Variants in CD74 observed in about 807,000 individuals in gnomAD.
The protein encoded by CD74 is CD74 molecule, also known as HLA class II histocompatibility antigen gamma chain.
In CD74, 20 loss-of-function variants were observed where a neutral mutation model predicts 37.1. That is an observed-to-expected ratio of 0.54 (90% confidence interval 0.38 to 0.78). The LOEUF (loss-of-function observed/expected upper bound fraction) is 0.78. Ranked by LOEUF, CD74 falls within the 30% of genes least tolerant of loss-of-function variation. CD74 has a pLI of 0.00. For missense variants in CD74, 338 were observed against 389.5 expected (o/e 0.87, Z 1.11); for synonymous variants, 150 against 152.0 (o/e 0.99, Z 0.10).
chr5:150,403,384 ACC>A lies in CD74; in HGVS notation c.626-74_626-73del. On this transcript the variant is annotated intron_variant, in intron 6 of 8. Coordinates refer to ENST00000009530, the MANE Select transcript of CD74 (RefSeq NM_001025159.3). This position sits in a 1 kb window ranked among gnomAD's most constrained non-coding sequence, Gnocchi z 4.5. ...AACCAGGGTCTGAGCAGAGCTAAAGACCCACACACCACTGCTGTGGGCTTAAT... is the reference window on the plus strand; with the variant it reads ...AACCAGGGTCTGAGCAGAGCTAAAGACACACACCACTGCTGTGGGCTTAAT... 1 of 1,329,232 alleles carries A rather than the reference ACC, an allele frequency of 7.5e-7. No individual in the cohort carries two copies. Among genetic ancestry groups the A allele is most frequent in the South Asian group, 1.2e-5 (1 of 84,122 alleles). 82.3% of individuals were successfully genotyped at this position (1,329,232 alleles called of 1,614,324 possible).
chr5:150,409,566 A>G (rs1045248924), intron 1 of CD74, among the ~76,000 whole-genome samples: 1 of 151,606 alleles, frequency 6.6e-6, no homozygotes, highest in Non-Finnish European at 1.5e-5. Flanking sequence ...AGTGGTGGGC[A>G]CCTGTAGTCC....
intron 5 of CD74, 27 bp downstream of exon 5, chr5:150,405,058 A>C (rs1464208847): frequency 6.3e-7 from 1 of 1,587,256 alleles, no homozygotes; most frequent in Non-Finnish European, 8.6e-7. Flanking sequence ...GGAAAGAGAG[A>C]GTTCCCATGC....
chr5:150,406,895 C>T lies in CD74; in HGVS notation c.364G>A (p.Ala122Thr), dbSNP rs11548083. The change falls in exon 3 of 9, where the codon GCC (alanine) becomes ACC (threonine). Residue 122 changes from alanine (A) to threonine (T), a missense_variant. By Grantham distance (58) the Ala-to-Thr change is moderately conservative. Coordinates refer to ENST00000009530, the MANE Select transcript of CD74 (RefSeq NM_001025159.3). ...GCTGTCCTTACCCCCTGGGGCAGGGCTCCCATGGGCAGCGCCTGCATCAGC... is the reference window on the plus strand; with the variant it reads ...GCTGTCCTTACCCCCTGGGGCAGGGTTCCCATGGGCAGCGCCTGCATCAGC... ...PLLMQALPMG[A>T]LPQGPMQNAT... 2.0e-6 allele frequency: 3 copies of T among 1,512,366 alleles called. No individual in the cohort carries two copies. 93.7% of individuals were successfully genotyped at this position (1,512,366 alleles called of 1,614,324 possible).
At chr5:150,406,114 C>A in intron 4 of CD74, 145 bp downstream of exon 4, 1 of 698,218 alleles carries the variant, frequency 1.4e-6, no homozygotes, top group Non-Finnish European at 2.6e-6. Context: ...CTACATATAA[C>A]ATTTAAGGGT....
rs779706134 is a variant in CD74, at chr5:150,406,976, C to T, written c.299-16G>A. ...GGCTTGGGAGCTGTGGGGACAGGAA[C>T]GAGGGTAAGTGTGGCCCCGGTGCCC... is the stretch of plus-strand genomic sequence containing the variant. On this transcript the variant is annotated splice_polypyrimidine_tract_variant and intron_variant, in intron 2 of 8. Transcript: ENST00000009530. 136 of 1,572,546 alleles carry T rather than the reference C, an allele frequency of 8.6e-5. 1 individual carries two copies. The South Asian group carries it at 1.1e-3, about 12-fold the overall frequency.
rs575644038 is a variant in CD74 at position 150,402,482 on chromosome 5, C to T, written c.880+81G>A. On this transcript the variant is annotated intron_variant, in intron 8 of 8. Transcript: ENST00000009530. This position sits in a 1 kb window ranked among gnomAD's most constrained non-coding sequence, Gnocchi z 4.2. ...TGTTGGAGAGTGGCCCAGCGTCACA[C>T]TCCTTCACCTGCCCACAAAGGAGCT... The T allele has an allele frequency of 9.8e-6, 12 of 1,229,882 alleles. No individual in the cohort carries two copies. Among genetic ancestry groups the T allele is most frequent in the African/African-American group, 4.4e-5 (3 of 67,620 alleles). The allele number at this position is 1,229,882 out of a possible 1,614,324, so 76.2% of individuals were successfully genotyped here.
intron 1 of CD74, among the ~76,000 whole-genome samples, chr5:150,411,609 G>A (rs78132664): frequency 5.9e-4 from 90 of 152,324 alleles, no homozygotes; most frequent in African/African-American, 2.0e-3. Context: ...ACATGGGTGA[G>A]GCTATTTTGG....
In CD74 at chr5:150,407,201, G is replaced by T. The variant is rs751521954; in HGVS notation, c.249C>A (p.Val83=). 1.2e-6 allele frequency: 2 copies of T among 1,614,058 alleles called. No homozygotes were observed. The highest frequency in any genetic ancestry group is 4.5e-5 in the East Asian group (2 of 44,866). ...QQQGRLDKLT[V]TSQNLQLENL... Reference sequence around the variant, plus strand: ...TCTCCAGCTGCAGGTTCTGGGAGGTGACTGTCAGTTTGTCCAGCCGGCCCT... The same window carrying T: ...TCTCCAGCTGCAGGTTCTGGGAGGTTACTGTCAGTTTGTCCAGCCGGCCCT... Residue 83 remains valine, a synonymous_variant, in exon 2 of 9, where the codon GTC becomes GTA. Transcript: ENST00000009530. This position sits in a 1 kb window ranked among gnomAD's most constrained non-coding sequence, Gnocchi z 4.4.
intron 4 of CD74, chr5:150,406,031 A>G: frequency 4.7e-6 from 2 of 426,178 alleles, no homozygotes; most frequent in Non-Finnish European, 8.8e-6. Context: ...TAGGCCTCCC[A>G]AAGTGCTGAG....
At chr5:150,411,405 G>A (rs78512690) in intron 1 of CD74, among the ~76,000 whole-genome samples, 7,719 of 152,278 alleles carry the variant, frequency 0.051, 253 homozygotes, top group Non-Finnish European at 0.076. Flanking sequence ...CTAATGGTCT[G>A]CAGCAGGTTA....
rs556953829 is a variant in CD74 at position 150,412,786 on chromosome 5, G to A, written c.-37C>T. On this transcript the variant is annotated 5_prime_UTR_variant, in exon 1 of 9. Coordinates refer to ENST00000009530, the MANE Select transcript of CD74 (RefSeq NM_001025159.3). ...ACCCCCCGGCTCGCCTCTTAAAGTC[G>A]GTGCTGGAGAGGAATCTGATTCGTC... 33 of 1,612,394 alleles carry A rather than the reference G, an allele frequency of 2.0e-5. No homozygotes were observed. In the South Asian group the frequency reaches 3.2e-4, roughly 16 times the overall value.
intron 3 of CD74, 40 bp downstream of exon 3, chr5:150,406,841 G>T: frequency 7.4e-7 from 1 of 1,344,560 alleles, no homozygotes; most frequent in Non-Finnish European, 1.0e-6. Context: ...ATCCAGGCGG[G>T]ATAACCTTGC....
intron 5 of CD74, 82 bp downstream of exon 5, chr5:150,405,003 G>A: frequency 9.1e-7 from 1 of 1,093,624 alleles, no homozygotes; most frequent in Non-Finnish European, 1.4e-6. Context: ...GGCTTCCCCA[G>A]CCCACCCTCA....
At position 150,403,353 on chromosome 5, in the gene CD74, G is replaced by C. The variant is rs2151170546; in HGVS notation, c.626-41C>G. ...TGATGAGGACACAGTGAGTGAGTGA[G>C]CTCTGAACCAGGGTCTGAGCAGAGC... is the stretch of plus-strand genomic sequence containing the variant. On this transcript the variant is annotated intron_variant, in intron 6 of 8. Transcript: ENST00000009530. The surrounding 1 kb of genome is among the most constrained non-coding windows in gnomAD (Gnocchi z 4.5). The C allele has an allele frequency of 6.4e-7, 1 of 1,567,706 alleles. No individual in the cohort carries two copies. Among genetic ancestry groups the C allele is most frequent in the Non-Finnish European group, 8.8e-7 (1 of 1,138,034 alleles).
At chr5:150,408,396 T>C (rs1329611691) in intron 1 of CD74, among the ~76,000 whole-genome samples, 1 of 152,228 alleles carries the variant, frequency 6.6e-6, no homozygotes, top group Non-Finnish European at 1.5e-5. Context: ...CCTGCCAATC[T>C]CTGTGCCTCT....
Position 150,402,306 on chromosome 5 carries a change from C to T in CD74, c.881-56G>A. On this transcript the variant is annotated intron_variant, in intron 8 of 8. Coordinates refer to ENST00000009530, the MANE Select transcript of CD74 (RefSeq NM_001025159.3). This position sits in a 1 kb window ranked among gnomAD's most constrained non-coding sequence, Gnocchi z 4.2. Reference sequence around the variant, plus strand: ...GGTCACCCATTTGTTGTCCCTGCCCCTTTCTAACATCCTGGACCTGCAGAG... The same window carrying T: ...GGTCACCCATTTGTTGTCCCTGCCCTTTTCTAACATCCTGGACCTGCAGAG... 4 of 1,323,978 alleles carry T rather than the reference C, an allele frequency of 3.0e-6. No individual in the cohort carries two copies. The highest frequency in any genetic ancestry group is 4.3e-6 in the Non-Finnish European group (4 of 930,492). 82.0% of individuals were successfully genotyped at this position (1,323,978 alleles called of 1,614,324 possible).
intron 1 of CD74, among the ~76,000 whole-genome samples, chr5:150,411,999 G>A (rs1171735621): frequency 6.6e-6 from 1 of 152,154 alleles, no homozygotes; most frequent in East Asian, 1.9e-4. Flanking sequence ...GAGTGTCACT[G>A]TGTCACCCAG....
intron 1 of CD74, among the ~76,000 whole-genome samples, chr5:150,412,338 A>T (rs138667363): frequency 6.6e-6 from 1 of 152,244 alleles, no homozygotes; most frequent in Admixed American, 6.5e-5. Context: ...TAGCATGTGA[A>T]ACTCTAGGGA....
chr5:150,412,221 T>A (rs957247737), intron 1 of CD74, among the ~76,000 whole-genome samples: 1 of 152,332 alleles, frequency 6.6e-6, no homozygotes, highest in East Asian at 1.9e-4. Context: ...CGCCTCAGCC[T>A]CCCAAAGTGC....
Sources: gnomAD v4.1 joint callset for allele counts (sites outside exome capture counted in the v4.1 genomes callset) on GRCh38, gnomAD v4.1.1 for gene constraint, Gnocchi (gnomAD v3.1) non-coding constraint, MANE v1.5 for transcripts, NCBI Gene and HGNC (gene_info 2026-07-23, HGNC 2026-07-21) for gene names.